The following MSRA variants were observed in gnomAD, a reference collection of about 807,000 sequenced individuals.
MSRA encodes the protein mitochondrial peptide methionine sulfoxide reductase.
Under a neutral mutation model 31.3 loss-of-function variants are expected in MSRA, and 54 were observed. That is an observed-to-expected ratio of 1.73 (90% CI 1.39 to 2.17). The LOEUF is 2.17. Ranked by LOEUF, MSRA falls within the 30% of genes most tolerant of loss-of-function variation. The probability of loss-of-function intolerance (pLI) is 0.00; values close to 1 mark genes in which losing one functional copy is unlikely to be tolerated. For synonymous variants in MSRA, 169 were observed against 116.5 expected, an observed-to-expected ratio of 1.45 and a Z score of -2.90; for missense variants, 507 against 300.9, an observed-to-expected ratio of 1.69 and a Z score of -5.07.
chr8:10,307,904 A>T (rs1801226731), intron 4 of MSRA, among the ~76,000 whole-genome samples: 1 of 152,236 alleles, frequency 6.6e-6, no homozygotes, highest in African/African-American at 2.4e-5. Context: ...AGAGCTAAGT[A>T]TGGCCACATG....
intron 5 of MSRA, among the ~76,000 whole-genome samples, chr8:10,354,270 C>A (rs1278200244): frequency 2.6e-5 from 4 of 152,158 alleles, no homozygotes; most frequent in Non-Finnish European, 5.9e-5. Context: ...AGTTGAATTA[C>A]AATGCATCTG....
At chr8:10,268,224 C>A (rs989220581) in intron 3 of MSRA, among the ~76,000 whole-genome samples, 3 of 152,186 alleles carry the variant, frequency 2.0e-5, no homozygotes, top group African/African-American at 7.2e-5. Context: ...GCACACCGTT[C>A]TAGCTATAAC....
intron 1 of MSRA, among the ~76,000 whole-genome samples, chr8:10,177,861 A>G (rs930743439): frequency 6.6e-6 from 1 of 152,192 alleles, no homozygotes; most frequent in East Asian, 1.9e-4. Context: ...GAATTTGTCT[A>G]TCTATAGTTG....
intron 3 of MSRA, among the ~76,000 whole-genome samples, chr8:10,255,947 C>G (rs769588780): frequency 6.6e-6 from 1 of 152,122 alleles, no homozygotes; most frequent in Non-Finnish European, 1.5e-5. Context: ...ATCAACATCC[C>G]CACCTGAGTG....
At chr8:10,400,342 C>T (rs1807376445) in intron 5 of MSRA, among the ~76,000 whole-genome samples, 2 of 147,670 alleles carry the variant, frequency 1.4e-5, no homozygotes, top group Non-Finnish European at 1.5e-5. Context: ...GACTCCATGG[C>T]CTATGACCTA....
At chr8:10,168,432 C>T (rs1585079693) in intron 1 of MSRA, among the ~76,000 whole-genome samples, 1 of 152,160 alleles carries the variant, frequency 6.6e-6, no homozygotes, top group Non-Finnish European at 1.5e-5. Flanking sequence ...TTCTTCCTTC[C>T]ACTCCATGCA....
chr8:10,407,115 G>T (rs1414496071), intron 5 of MSRA, among the ~76,000 whole-genome samples: 4 of 152,214 alleles, frequency 2.6e-5, no homozygotes, highest in Non-Finnish European at 5.9e-5. Context: ...GGACTCAAGT[G>T]ATCTTCCCGC....
chr8:10,425,060 C>G (rs996609104), intron 5 of MSRA, among the ~76,000 whole-genome samples: 4 of 152,178 alleles, frequency 2.6e-5, no homozygotes, highest in African/African-American at 7.2e-5. Flanking sequence ...CAGGAAGACA[C>G]TAGATGTGAC....
At chr8:10,287,670 T>C (rs1800008918) in intron 3 of MSRA, among the ~76,000 whole-genome samples, 1 of 152,186 alleles carries the variant, frequency 6.6e-6, no homozygotes, top group African/African-American at 2.4e-5. Flanking sequence ...GTTTCCCTCA[T>C]AAGTTAAAAT....
At chr8:10,226,613 A>G (rs1033644341) in intron 2 of MSRA, among the ~76,000 whole-genome samples, 7 of 152,238 alleles carry the variant, frequency 4.6e-5, no homozygotes, top group Admixed American at 4.6e-4. Context: ...GTCAGTGCCC[A>G]TGAACAGACA....
intron 5 of MSRA, among the ~76,000 whole-genome samples, chr8:10,331,089 C>T (rs1802668755): frequency 6.6e-6 from 1 of 152,198 alleles, no homozygotes; most frequent in South Asian, 2.1e-4. Flanking sequence ...ATAGAACTGC[C>T]TGCAAGCCCT....
At chr8:10,352,320 A>G (rs1339837281) in intron 5 of MSRA, among the ~76,000 whole-genome samples, 1 of 152,336 alleles carries the variant, frequency 6.6e-6, no homozygotes, top group Non-Finnish European at 1.5e-5. Context: ...GTATGTGTGT[A>G]TGTGTACCCT....
chr8:10,286,711 C>T lies in MSRA; in HGVS notation c.332-14823C>T, dbSNP rs980989291. 3.3e-5 allele frequency among the ~76,000 whole-genome samples: 5 copies of T among 152,334 alleles called. No individual in the cohort carries two copies. In the South Asian group the frequency reaches 6.2e-4, roughly 19 times the overall value. On this transcript the variant is annotated intron_variant, in intron 3 of 5. Transcript: ENST00000317173. ...TTTGGGTGAGTTCTCCAAGAGCAGG[C>T]TCAGTGTATCACATGTCTTTGGATG... is the stretch of plus-strand genomic sequence containing the variant.
At chr8:10,160,473 C>T (rs1227241436) in intron 1 of MSRA, among the ~76,000 whole-genome samples, 2 of 150,120 alleles carry the variant, frequency 1.3e-5, no homozygotes, top group East Asian at 3.9e-4. Flanking sequence ...CTAGCCTGGG[C>T]AACAGAGCGA....
intron 3 of MSRA, among the ~76,000 whole-genome samples, chr8:10,272,552 A>G (rs893129717): frequency 1.2e-4 from 19 of 152,216 alleles, no homozygotes; most frequent in South Asian, 4.1e-4. Context: ...TACCGGGTCT[A>G]CGGATTCAAA....
chr8:10,336,541 GTGTCTGA>G (rs1372419343), intron 5 of MSRA, among the ~76,000 whole-genome samples: 2 of 151,586 alleles, frequency 1.3e-5, no homozygotes, highest in African/African-American at 4.9e-5. Context: ...ACCAAACTCA[GTGTCTGA>G]TGTACAGTGG....
At chr8:10,385,758 G>C (rs1319403202) in intron 5 of MSRA, among the ~76,000 whole-genome samples, 2 of 147,596 alleles carry the variant, frequency 1.4e-5, no homozygotes, top group African/African-American at 4.9e-5. Flanking sequence ...CATTTACCTG[G>C]TTTCTGCAGC....
At chr8:10,064,872 G>C (rs997845096) in intron 1 of MSRA, among the ~76,000 whole-genome samples, 1 of 152,186 alleles carries the variant, frequency 6.6e-6, no homozygotes, top group African/African-American at 2.4e-5. Context: ...GAAGAGTCAT[G>C]AAAATGAAAT....
intron 1 of MSRA, among the ~76,000 whole-genome samples, chr8:10,081,342 C>T (rs982925235): frequency 2.6e-5 from 4 of 152,200 alleles, no homozygotes; most frequent in Admixed American, 6.5e-5. Context: ...GTCCCTAGTT[C>T]GTTACCATGG....
Sources: gnomAD v4.1 joint callset for allele counts (sites outside exome capture counted in the v4.1 genomes callset) on GRCh38, gnomAD v4.1.1 for gene constraint, MANE v1.5 for transcripts, NCBI Gene and HGNC (gene_info 2026-07-23, HGNC 2026-07-21) for gene names.